TRERF1: variants seen among roughly 807,000 people sequenced by gnomAD.
TRERF1 encodes the protein transcriptional-regulating factor 1.
In TRERF1, 27 loss-of-function variants were observed where a neutral mutation model predicts 122.9. The observed-to-expected ratio is 0.22, with a 90% CI of 0.16 to 0.30. TRERF1 has a LOEUF of 0.30. TRERF1 is among the 10% of genes least tolerant of loss of function. TRERF1 has a pLI of 1.00. For missense variants in TRERF1, 1,248 were observed against 1,560.3 expected (o/e 0.80, Z 3.37); for synonymous variants, 636 against 641.7 (o/e 0.99, Z 0.13).
intron 2 of TRERF1, among the ~76,000 whole-genome samples, chr6:42,385,760 T>C (rs1776698534): frequency 6.6e-6 from 1 of 152,252 alleles, no homozygotes; most frequent in Non-Finnish European, 1.5e-5. Flanking sequence ...TATTTTAAGC[T>C]GTAAATCAGC....
At chr6:42,265,063 C>T (rs1341742568) in intron 6 of TRERF1, among the ~76,000 whole-genome samples, 1 of 152,184 alleles carries the variant, frequency 6.6e-6, no homozygotes, top group Non-Finnish European at 1.5e-5. Context: ...TGGGAAAAGG[C>T]CTTCTCAAAG....
chr6:42,259,796 G>A lies in TRERF1; in HGVS notation c.1885-73C>T. Reference sequence around the variant, plus strand: ...AGGCCATTTCCACAGGTTCAGGGAAGGGGGCCTTCTACTGTCTAAGCAGAG... The same window carrying A: ...AGGCCATTTCCACAGGTTCAGGGAAAGGGGCCTTCTACTGTCTAAGCAGAG... On this transcript the variant is annotated intron_variant, in intron 8 of 17. Coordinates refer to ENST00000372922, the Ensembl canonical transcript of TRERF1. The surrounding 1 kb of genome is among the most constrained non-coding windows in gnomAD (Gnocchi z 4.9). 6.3e-7 allele frequency: 1 copy of A among 1,585,954 alleles called. No individual in the cohort carries two copies. The highest frequency in any genetic ancestry group is 2.2e-5 in the East Asian group (1 of 44,814).
intron 2 of TRERF1, among the ~76,000 whole-genome samples, chr6:42,383,224 T>A (rs1581913064): frequency 6.6e-6 from 1 of 152,122 alleles, no homozygotes; most frequent in Non-Finnish European, 1.5e-5. Flanking sequence ...GAGTGAGACC[T>A]TGTCTTGAAA....
At chr6:42,241,052 CCA>C (rs2149575425) in intron 15 of TRERF1, among the ~76,000 whole-genome samples, 1 of 152,178 alleles carries the variant, frequency 6.6e-6, no homozygotes, top group Admixed American at 6.5e-5. Flanking sequence ...ACTACCACGT[CCA>C]GTTAATTTTT....
intron 3 of TRERF1, among the ~76,000 whole-genome samples, chr6:42,313,631 A>G (rs1762032261): frequency 6.6e-6 from 1 of 152,098 alleles, no homozygotes; most frequent in Non-Finnish European, 1.5e-5. Flanking sequence ...AATTCCCTTG[A>G]AGACCCAAGG....
At chr6:42,323,976 T>C (rs1763886491) in intron 3 of TRERF1, among the ~76,000 whole-genome samples, 1 of 152,238 alleles carries the variant, frequency 6.6e-6, no homozygotes. Context: ...AGTGACATGT[T>C]TGAGGCAACA....
At chr6:42,385,751 A>C (rs557770652) in intron 2 of TRERF1, among the ~76,000 whole-genome samples, 2 of 152,320 alleles carry the variant, frequency 1.3e-5, no homozygotes, top group South Asian at 4.1e-4. Flanking sequence ...TAACCCTTAT[A>C]TTTTAAGCTG....
intron 14 of TRERF1, among the ~76,000 whole-genome samples, chr6:42,244,531 C>T (rs920074172): frequency 6.6e-6 from 1 of 152,158 alleles, no homozygotes. Flanking sequence ...AATATATTCC[C>T]TCCCCCACCA....
chr6:42,343,659 C>A (rs548296352), intron 3 of TRERF1, among the ~76,000 whole-genome samples: 1 of 152,316 alleles, frequency 6.6e-6, no homozygotes, highest in Admixed American at 6.5e-5. Flanking sequence ...TGTGAGGCTG[C>A]AGCCAAGAGA....
chr6:42,408,230 T>TGTGTGTGTATGTATATATACATACACAC (rs1780507503), intron 2 of TRERF1, among the ~76,000 whole-genome samples: 1 of 111,468 alleles, frequency 9.0e-6, no homozygotes, highest in East Asian at 2.7e-4. Context: ...TATATATATG[T>TGTGTGTGTATGTATATATACATACACAC]GTGTGTGTAT....
intron 7 of TRERF1, among the ~76,000 whole-genome samples, chr6:42,264,343 C>T (rs1778765381): frequency 6.6e-6 from 1 of 152,230 alleles, no homozygotes; most frequent in Non-Finnish European, 1.5e-5. Flanking sequence ...GGCAATTGAC[C>T]ACTAATCTGG....
At chr6:42,313,382 T>G (rs1761989380) in intron 3 of TRERF1, among the ~76,000 whole-genome samples, 1 of 152,138 alleles carries the variant, frequency 6.6e-6, no homozygotes, top group African/African-American at 2.4e-5. Context: ...TCAGTTTTCT[T>G]CATATGACAA....
At chr6:42,418,602 T>C (rs1372806830) in intron 2 of TRERF1, among the ~76,000 whole-genome samples, 5 of 152,050 alleles carry the variant, frequency 3.3e-5, no homozygotes, top group Non-Finnish European at 2.9e-5. Context: ...TCCCAGGTGA[T>C]GCTGCTGGTG....
At chr6:42,433,939 C>T (rs1784870501) in intron 2 of TRERF1, among the ~76,000 whole-genome samples, 1 of 152,164 alleles carries the variant, frequency 6.6e-6, no homozygotes, top group African/African-American at 2.4e-5. Context: ...AGGAGGACCA[C>T]TTGGGCCCAT....
intron 12 of TRERF1, among the ~76,000 whole-genome samples, chr6:42,255,852 TG>T (rs1179437416): frequency 1.3e-5 from 2 of 152,084 alleles, no homozygotes; most frequent in Non-Finnish European, 2.9e-5. Flanking sequence ...AGGATGAGGC[TG>T]GGTGCGGTGG....
At chr6:42,328,481 C>T (rs1764700538) in intron 3 of TRERF1, among the ~76,000 whole-genome samples, 2 of 152,100 alleles carry the variant, frequency 1.3e-5, no homozygotes, top group Non-Finnish European at 2.9e-5. Flanking sequence ...ATTTTTTCTG[C>T]TCCTCTCCCT....
At chr6:42,288,273 A>G (rs1224527353) in intron 4 of TRERF1, among the ~76,000 whole-genome samples, 3 of 150,218 alleles carry the variant, frequency 2.0e-5, no homozygotes, top group African/African-American at 7.3e-5. Context: ...GAGGAGCTAT[A>G]AGATAGGGCC....
At chr6:42,285,813 A>G (rs547619109) in intron 4 of TRERF1, among the ~76,000 whole-genome samples, 106 of 152,052 alleles carry the variant, frequency 7.0e-4, no homozygotes, top group African/African-American at 2.5e-3. Context: ...ATATGGAACC[A>G]AAAAAGAGCC....
intron 4 of TRERF1, among the ~76,000 whole-genome samples, chr6:42,299,116 C>CTGTCTGTATCTATCTATCTATCTATCTA (rs10627056): frequency 2.8e-4 from 39 of 141,782 alleles, no homozygotes; most frequent in African/African-American, 5.1e-4. Flanking sequence ...GTCTGTCTGT[C>CTGTCTGTATCTATCTATCTATCTATCTA]TCTATCTATC....
Sources: gnomAD v4.1 joint callset for allele counts (sites outside exome capture counted in the v4.1 genomes callset) on GRCh38, gnomAD v4.1.1 for gene constraint, Gnocchi (gnomAD v3.1) non-coding constraint, MANE v1.5 for transcripts, NCBI Gene and HGNC (gene_info 2026-07-23, HGNC 2026-07-21) for gene names.